Variants in MYO15B observed in about 807,000 individuals in gnomAD.
MYO15B encodes myosin XVB.
A neutral mutation model predicts 119.3 loss-of-function variants in MYO15B; 207 were observed. The observed-to-expected ratio is 1.73, with a 90% CI of 1.55 to 1.95. MYO15B has a LOEUF of 1.95. MYO15B is among the 30% of genes most tolerant of loss of function. MYO15B has a pLI of 0.00. For missense variants in MYO15B, 2,264 were observed against 1,203.1 expected, an observed-to-expected ratio of 1.88 and a Z score of -13.04; for synonymous variants, 966 against 498.9, an observed-to-expected ratio of 1.94 and a Z score of -12.48.
At chr17:75,606,861 A>G (rs1473638854) in intron 21 of MYO15B, 3 of 397,782 alleles carry the variant, frequency 7.5e-6, no homozygotes, top group Non-Finnish European at 1.3e-5. Flanking sequence ...CCCTGCAGTG[A>G]CTTTAGACTT....
intron 42 of MYO15B, 23 bp downstream of exon 42, chr17:75,617,945 G>A (rs1242221996): frequency 2.9e-6 from 2 of 701,310 alleles, no homozygotes; most frequent in East Asian, 2.7e-5. Context: ...GTGGGGCCTT[G>A]GCCTGGCCTC....
intron 15 of MYO15B, among the ~76,000 whole-genome samples, chr17:75,601,915 TGTA>T (rs1568145292): frequency 2.6e-5 from 4 of 152,206 alleles, no homozygotes; most frequent in Admixed American, 1.3e-4. Flanking sequence ...GAGGGTGAGA[TGTA>T]GTAACGTGGA....
exon 25 of MYO15B, chr17:75,611,904 C>G (rs2058053675): frequency 2.8e-6 from 2 of 702,866 alleles, no homozygotes; most frequent in Admixed American, 4.0e-5. Context: ...GACGCCCTGG[C>G]TGGGAGCATC....
exon 1 of MYO15B, chr17:75,588,360 G>A (rs76124218): frequency 1.8e-5 from 7 of 398,558 alleles, no homozygotes; most frequent in African/African-American, 1.4e-4. Context: ...AGGGACGCGG[G>A]CCCAGGGGCG....
At chr17:75,614,847 A>C (rs1040025639) in exon 32 of MYO15B, 1 of 702,742 alleles carries the variant, frequency 1.4e-6, no homozygotes, top group Non-Finnish European at 2.6e-6. Context: ...CTCCGGCCTC[A>C]GCGTGAGTCG....
rs951624974 is a variant in MYO15B, at chr17:75,619,818, C to T, written c.7301+19C>T. 2.8e-6 allele frequency: 2 copies of T among 702,782 alleles called. No individual in the cohort carries two copies. The highest frequency in any genetic ancestry group is 2.3e-4 in the Middle Eastern group (1 of 4,370). The allele number at this position is 702,782 out of a possible 1,614,324, so 43.5% of individuals were successfully genotyped here. ...CATACAGGTGCGCTAGCCCACGACC[C>T]TGGGCTAGAGGTGGGGGCAGGTGGC... On this transcript the variant is annotated intron_variant, in intron 46 of 63. Transcript: ENST00000645453.
chr17:75,592,134 T>C (rs985967348), intron 6 of MYO15B, 54 bp downstream of exon 6: 6 of 701,758 alleles, frequency 8.5e-6, no homozygotes, highest in Non-Finnish European at 1.6e-5. Context: ...TCCTGGGTCC[T>C]TGGGCTGCTT....
chr17:75,626,823 T>G, exon 64 of MYO15B: 1 of 451,856 alleles, frequency 2.2e-6, no homozygotes, highest in Admixed American at 3.8e-5. Context: ...AAACAGCTGC[T>G]GAGGAAATAA....
chr17:75,624,956 G>C (rs1454274603), intron 59 of MYO15B, 40 bp downstream of exon 59: 1 of 696,888 alleles, frequency 1.4e-6, no homozygotes, highest in Non-Finnish European at 2.6e-6. Context: ...GCAGTTTGAG[G>C]GCGCGGCTTC....
chr17:75,594,219 C>T (rs1598719680), intron 9 of MYO15B, among the ~76,000 whole-genome samples: 3 of 152,304 alleles, frequency 2.0e-5, no homozygotes, highest in Non-Finnish European at 4.4e-5. Context: ...TTACTGCTTC[C>T]CCTTTAGCAG....
intron 8 of MYO15B, 22 bp downstream of exon 8, chr17:75,592,563 C>T (rs984709430): frequency 3.1e-5 from 19 of 612,746 alleles, no homozygotes; most frequent in African/African-American, 7.3e-5. Context: ...CCTTGTGGTG[C>T]GGCGGGGAGG....
At position 75,616,334 on chromosome 17, in the gene MYO15B, G is replaced by A. The variant is rs894866391; in HGVS notation, c.6132G>A (p.Arg2044=). The A allele has an allele frequency of 1.1e-5, 7 of 609,468 alleles. No homozygotes were observed. The Admixed American group carries it at 2.0e-4, about 18-fold the overall frequency. The allele number at this position is 609,468 out of a possible 1,614,324, so 37.8% of individuals were successfully genotyped here. A position where few individuals can be genotyped will look rare whatever the true frequency, so the allele number is the denominator to read the frequency against. Residue 2044 remains arginine, a synonymous_variant, in exon 38 of 64, where the codon AGG becomes AGA. Coordinates refer to ENST00000645453, the Ensembl canonical transcript of MYO15B. ...CAGGGCAGCCACAGATCACAGTGAG[G>A]ACGATGAAGCCCCCGGCCAAGGTCC...
exon 39 of MYO15B, chr17:75,616,663 G>A (rs2058391819): frequency 2.8e-6 from 2 of 702,856 alleles, no homozygotes; most frequent in Middle Eastern, 2.3e-4. Flanking sequence ...AAGGCAGGGG[G>A]ACTGTGGTGC....
At chr17:75,611,564 TC>T in intron 23 of MYO15B, 36 bp from the exon 24 acceptor site, 1 of 701,374 alleles carries the variant, frequency 1.4e-6, no homozygotes. Flanking sequence ...CCTAGGCCCC[TC>T]CTGTGGATCC....
chr17:75,614,840 C>T (rs910209019), exon 32 of MYO15B: 61 of 702,862 alleles, frequency 8.7e-5, no homozygotes, highest in African/African-American at 7.3e-4. Flanking sequence ...TGATATCCTC[C>T]GGCCTCAGCG....
At chr17:75,620,624 C>A in exon 49 of MYO15B, 1 of 701,040 alleles carries the variant, frequency 1.4e-6, no homozygotes, top group Non-Finnish European at 2.6e-6. Context: ...CTCGGTGGGA[C>A]AGGGCCTCAG....
At chr17:75,620,354 C>T (rs1402740098) in exon 48 of MYO15B, 2 of 702,816 alleles carry the variant, frequency 2.8e-6, no homozygotes, top group African/African-American at 3.5e-5. Flanking sequence ...CACCCTGGAG[C>T]CAGGTATCGC....
intron 22 of MYO15B, 61 bp from the exon 23 acceptor site, chr17:75,610,839 G>C: frequency 1.4e-6 from 1 of 702,392 alleles, no homozygotes; most frequent in Non-Finnish European, 2.6e-6. Context: ...TCAGAGCTGG[G>C]GAGGTGCCCC....
At chr17:75,602,517 G>T (rs1202927905) in exon 16 of MYO15B, 3 of 702,252 alleles carry the variant, frequency 4.3e-6, no homozygotes, top group Non-Finnish European at 7.8e-6. Context: ...TCTCTTGCAG[G>T]TTCACAAGTT....
Sources: gnomAD v4.1 joint callset for allele counts (sites outside exome capture counted in the v4.1 genomes callset) on GRCh38, gnomAD v4.1.1 for gene constraint, MANE v1.5 for transcripts, NCBI Gene and HGNC (gene_info 2026-07-23, HGNC 2026-07-21) for gene names.